ALMS1: variants seen among roughly 807,000 people sequenced by gnomAD.
ALMS1 encodes ALMS1 centrosome and basal body associated protein.
A neutral mutation model predicts 352.2 loss-of-function variants in ALMS1; 271 were observed. The ratio of observed to expected loss-of-function variants is 0.77; its 90% CI spans 0.70 to 0.85. The LOEUF is 0.85. ALMS1 is among the 40% of genes least tolerant of loss of function. ALMS1 has a pLI of 0.00. For synonymous variants in ALMS1, 1,865 were observed against 1,761.2 expected, an observed-to-expected ratio of 1.06 and a Z score of -1.48; for missense variants, 5,445 against 4,870.7, an observed-to-expected ratio of 1.12 and a Z score of -3.51.
rs765969711 is a variant in ALMS1, at chr2:73,490,642, C to T, written c.8683C>T (p.Arg2895Cys). The T allele has an allele frequency of 6.8e-6, 11 of 1,614,004 alleles. No individual in the cohort carries two copies. Among genetic ancestry groups the T allele is most frequent in the South Asian group, 2.2e-5 (2 of 91,056 alleles). The change falls in exon 10 of 23, where the codon CGT becomes TGT. Residue 2895 changes from arginine to cysteine, a missense_variant. Coordinates refer to ENST00000613296, the MANE Select transcript of ALMS1 (RefSeq NM_001378454.1). ...GCTCTTTGAACAAAGCAAAGCCCCA[C>T]GTGCAGATGACCATGTGAGGAAACA... ...RELFEQSKAPRADDHVRKHHS... is the reference protein window; with the variant it reads ...RELFEQSKAPCADDHVRKHHS...
intron 1 of ALMS1, among the ~76,000 whole-genome samples, chr2:73,398,555 T>C (rs1670812025): frequency 6.6e-6 from 1 of 152,192 alleles, no homozygotes; most frequent in Non-Finnish European, 1.5e-5. Flanking sequence ...ATCTTGACAA[T>C]ATTGAGTATT....
chr2:73,435,392 T>C (rs1376626799), intron 7 of ALMS1, among the ~76,000 whole-genome samples: 1 of 152,148 alleles, frequency 6.6e-6, no homozygotes, highest in Non-Finnish European at 1.5e-5. Context: ...AAAATGATTT[T>C]CTAGGTAGTT....
chr2:73,536,364 G>A (rs1201157888), intron 12 of ALMS1, among the ~76,000 whole-genome samples: 1 of 152,108 alleles, frequency 6.6e-6, no homozygotes, highest in African/African-American at 2.4e-5. Context: ...TGTAGGTGAT[G>A]GGAGAAGAAA....
At chr2:73,488,513 A>G (rs1672904458) in intron 9 of ALMS1, among the ~76,000 whole-genome samples, 1 of 152,130 alleles carries the variant, frequency 6.6e-6, no homozygotes, top group African/African-American at 2.4e-5. Context: ...GTGACTGGGC[A>G]GCTGCAGCTG....
At chr2:73,474,314 T>A (rs1190954820) in intron 9 of ALMS1, among the ~76,000 whole-genome samples, 1 of 152,038 alleles carries the variant, frequency 6.6e-6, no homozygotes, top group Non-Finnish European at 1.5e-5. Context: ...TATCACATGG[T>A]AATACGTTTC....
At chr2:73,424,154 C>T (rs1204514522) in intron 4 of ALMS1, among the ~76,000 whole-genome samples, 3 of 151,976 alleles carry the variant, frequency 2.0e-5, no homozygotes, top group African/African-American at 4.8e-5. Context: ...TCATGGTAGG[C>T]GTCATTATGA....
intron 9 of ALMS1, among the ~76,000 whole-genome samples, chr2:73,455,959 A>G (rs1313098978): frequency 6.6e-6 from 1 of 152,200 alleles, no homozygotes; most frequent in Non-Finnish European, 1.5e-5. Context: ...CACAGCTATA[A>G]TAGCTTATGT....
At chr2:73,609,157 G>T (rs1675887260) in intron 22 of ALMS1, among the ~76,000 whole-genome samples, 1 of 152,196 alleles carries the variant, frequency 6.6e-6, no homozygotes, top group African/African-American at 2.4e-5. Context: ...CACTGTAGTT[G>T]TTTCCTTCTC....
chr2:73,563,393 G>C (rs1674706659), intron 15 of ALMS1, among the ~76,000 whole-genome samples: 2 of 152,038 alleles, frequency 1.3e-5, no homozygotes, highest in African/African-American at 2.4e-5. Context: ...AAAACCAGGA[G>C]CTCAATCAAT....
In ALMS1 at chr2:73,424,661, T is replaced by C. The variant is rs760947833; in HGVS notation, c.996T>C (p.Ile332=). ...TTTCGTCTGTTGATGAACTGAAAATTCCCAAAGACTGTGATCGTTATGATG... is the reference window on the plus strand; with the variant it reads ...TTTCGTCTGTTGATGAACTGAAAATCCCCAAAGACTGTGATCGTTATGATG... The part of the protein sequence containing the change: ...ETISSVDELK[I]PKDCDRYDDL... Residue 332 remains isoleucine, a synonymous_variant, in exon 5 of 23, where the codon ATT becomes ATC. Coordinates refer to ENST00000613296, the MANE Select transcript of ALMS1 (RefSeq NM_001378454.1). The C allele has an allele frequency of 5.0e-6, 8 of 1,614,062 alleles. No homozygotes were observed. Among genetic ancestry groups the C allele is most frequent in the Middle Eastern group, 1.6e-4 (1 of 6,062 alleles).
intron 9 of ALMS1, among the ~76,000 whole-genome samples, chr2:73,477,648 C>T (rs1360168235): frequency 1.3e-5 from 2 of 152,010 alleles, no homozygotes; most frequent in Non-Finnish European, 2.9e-5. Flanking sequence ...GATTTTCTTC[C>T]ATTTCATTCT....
intron 1 of ALMS1, among the ~76,000 whole-genome samples, chr2:73,408,298 T>C (rs1017779406): frequency 1.3e-5 from 2 of 152,238 alleles, no homozygotes; most frequent in African/African-American, 4.8e-5. Flanking sequence ...TATGAGTTGA[T>C]TTCAGTCCCT....
At position 73,582,239 on chromosome 2, in the gene ALMS1, T is replaced by G. The variant is rs576332898; in HGVS notation, c.11547+8815T>G. ...CTCTTTTGAAACAAATTTATTCCATTTAAGTTTACTGTTGTAAATGTTTGG... is the reference window on the plus strand; with the variant it reads ...CTCTTTTGAAACAAATTTATTCCATGTAAGTTTACTGTTGTAAATGTTTGG... On this transcript the variant is annotated intron_variant, in intron 16 of 22. Transcript: ENST00000613296. 8.3e-4 allele frequency among the ~76,000 whole-genome samples: 126 copies of G among 152,358 alleles called. 1 individual carries two copies. Among genetic ancestry groups the G allele is most frequent in the African/African-American group, 2.9e-3 (122 of 41,586 alleles).
At chr2:73,569,319 G>T (rs905896175) in intron 15 of ALMS1, among the ~76,000 whole-genome samples, 1 of 151,814 alleles carries the variant, frequency 6.6e-6, no homozygotes, top group African/African-American at 2.4e-5. Context: ...CCAGCCTTCA[G>T]CTTGCTTATT....
Position 73,450,378 on chromosome 2 carries a change from C to T in ALMS1, c.3851C>T (p.Thr1284Ile). 1 of 1,613,380 alleles carries T rather than the reference C, an allele frequency of 6.2e-7. No individual in the cohort carries two copies. The highest frequency in any genetic ancestry group is 1.1e-5 in the South Asian group (1 of 91,050). The change falls in exon 8 of 23, where the codon ACT (threonine) becomes ATT (isoleucine). Residue 1284 changes from threonine (T) to isoleucine (I), a missense_variant. Thr to Ile is a moderately conservative substitution (Grantham distance 89). Transcript: ENST00000613296. ...QTTGTPAVTS[T>I]SYSQYREKPS... ...ACTGGCACACCAGCTGTAACCTCTA[C>T]TTCCTACTCACAATATAGAGAGAAG...
chr2:73,420,609 A>G (rs1671264505), intron 3 of ALMS1, among the ~76,000 whole-genome samples: 1 of 152,206 alleles, frequency 6.6e-6, no homozygotes, highest in African/African-American at 2.4e-5. Flanking sequence ...AACAACAACA[A>G]AAAGTGAGCT....
At chr2:73,591,960 C>T (rs2104165239) in intron 16 of ALMS1, among the ~76,000 whole-genome samples, 1 of 152,278 alleles carries the variant, frequency 6.6e-6, no homozygotes, top group South Asian at 2.1e-4. Flanking sequence ...CTGTCCAACC[C>T]AAAGCCCTAC....
At chr2:73,421,504 C>T (rs1323390037) in intron 3 of ALMS1, among the ~76,000 whole-genome samples, 1 of 152,082 alleles carries the variant, frequency 6.6e-6, no homozygotes, top group East Asian at 1.9e-4. Context: ...GGAACTGTAC[C>T]AATTGTTCCT....
chr2:73,588,346 T>G (rs1341085307), intron 16 of ALMS1, among the ~76,000 whole-genome samples: 1 of 151,732 alleles, frequency 6.6e-6, no homozygotes, highest in Non-Finnish European at 1.5e-5. Context: ...TGTCTGCCTC[T>G]GCTCACCCAC....
Sources: gnomAD v4.1 joint callset for allele counts (sites outside exome capture counted in the v4.1 genomes callset) on GRCh38, gnomAD v4.1.1 for gene constraint, MANE v1.5 for transcripts, NCBI Gene and HGNC (gene_info 2026-07-23, HGNC 2026-07-21) for gene names.